Variants in SLC24A3 observed in about 807,000 individuals in gnomAD.
SLC24A3 encodes sodium/potassium/calcium exchanger 3.
A neutral mutation model predicts 75.8 loss-of-function variants in SLC24A3; 28 were observed. The observed-to-expected ratio is 0.37, with a 90% CI of 0.27 to 0.51. The LOEUF is 0.51. SLC24A3 is among the 20% of genes least tolerant of loss of function. SLC24A3 has a pLI of 0.94. For missense variants in SLC24A3, 663 were observed against 847.8 expected (o/e 0.78, Z 2.71); for synonymous variants, 372 against 334.1 (o/e 1.11, Z -1.24).
At chr20:19,296,307 A>T (rs1425497203) in intron 2 of SLC24A3, among the ~76,000 whole-genome samples, 1 of 85,402 alleles carries the variant, frequency 1.2e-5, no homozygotes, top group African/African-American at 4.9e-5. Context: ...TAGCTCCTGG[A>T]TTCATGGATT....
chr20:19,335,164 G>A (rs529552983), intron 2 of SLC24A3, among the ~76,000 whole-genome samples: 1 of 152,234 alleles, frequency 6.6e-6, no homozygotes, highest in South Asian at 2.1e-4. Flanking sequence ...TACCATCATG[G>A]ATAGTGAAAG....
Position 19,245,718 on chromosome 20 carries a change from C to T in SLC24A3, c.142+32734C>T, listed in dbSNP as rs368619399. Among the ~76,000 whole-genome samples, 6 of 151,944 alleles carry T rather than the reference C, an allele frequency of 3.9e-5. No homozygotes were observed. The South Asian group carries it at 6.2e-4, about 16-fold the overall frequency. The stretch of plus-strand genomic sequence containing the variant: ...AAGAGCAAAACATTATTATTTGAGA[C>T]GATTTTAATGCTAATGGTAATTTTA... On this transcript the variant is annotated intron_variant, in intron 1 of 16. Coordinates refer to ENST00000328041, the MANE Select transcript of SLC24A3 (RefSeq NM_020689.4).
chr20:19,226,113 A>G (rs572537726), intron 1 of SLC24A3, among the ~76,000 whole-genome samples: 3 of 152,198 alleles, frequency 2.0e-5, no homozygotes, highest in African/African-American at 7.2e-5. Context: ...TAGTTTTCTG[A>G]GAGTTTTTAT....
Position 19,679,539 on chromosome 20 carries a change from G to GAGGGAGACCGT in SLC24A3, c.768-2319_768-2318insAGGGAGACCGT, listed in dbSNP as rs1183346338. Among the ~76,000 whole-genome samples the GAGGGAGACCGT allele has an allele frequency of 4.8e-3, 692 of 145,012 alleles. 1 individual carries two copies. The highest frequency in any genetic ancestry group is 6.9e-3 in the Middle Eastern group (2 of 288). On this transcript the variant is annotated intron_variant, in intron 9 of 16. Coordinates refer to ENST00000328041, the MANE Select transcript of SLC24A3 (RefSeq NM_020689.4). ...CGTGGGGAGAGGGAGACCGTGGGGA[G>GAGGGAGACCGT]GGGGAGAGGGAGAGGGAGAGGGAGA...
At chr20:19,374,018 A>G (rs1986036390) in intron 2 of SLC24A3, among the ~76,000 whole-genome samples, 1 of 152,118 alleles carries the variant, frequency 6.6e-6, no homozygotes, top group South Asian at 2.1e-4. Context: ...ACTAATGTCC[A>G]TTTTTCACAG....
At chr20:19,240,219 C>T (rs1982290621) in intron 1 of SLC24A3, among the ~76,000 whole-genome samples, 1 of 152,284 alleles carries the variant, frequency 6.6e-6, no homozygotes, top group South Asian at 2.1e-4. Context: ...ACTGCTGTGA[C>T]TACTAGAGTT....
At chr20:19,619,791 G>A (rs1446395742) in intron 6 of SLC24A3, among the ~76,000 whole-genome samples, 1 of 152,174 alleles carries the variant, frequency 6.6e-6, no homozygotes, top group Non-Finnish European at 1.5e-5. Context: ...TCTGTTTGTT[G>A]GTGAATGACA....
chr20:19,710,702 T>C (rs966592063), intron 15 of SLC24A3, among the ~76,000 whole-genome samples: 1 of 152,158 alleles, frequency 6.6e-6, no homozygotes, highest in South Asian at 2.1e-4. Context: ...AAGGGTTTGG[T>C]GATATCATTT....
chr20:19,245,957 G>A (rs1872093152), intron 1 of SLC24A3, among the ~76,000 whole-genome samples: 1 of 152,032 alleles, frequency 6.6e-6, no homozygotes, highest in African/African-American at 2.4e-5. Context: ...AAGTCTTTAA[G>A]GTATAGAAGA....
chr20:19,351,039 T>A (rs1985553834), intron 2 of SLC24A3, among the ~76,000 whole-genome samples: 1 of 152,208 alleles, frequency 6.6e-6, no homozygotes, highest in Non-Finnish European at 1.5e-5. Context: ...TGACATTACC[T>A]GTCCTTAGAT....
intron 2 of SLC24A3, among the ~76,000 whole-genome samples, chr20:19,488,109 A>G (rs1988154363): frequency 6.6e-6 from 1 of 152,264 alleles, no homozygotes; most frequent in East Asian, 1.9e-4. Flanking sequence ...CGTACCAAAC[A>G]AGAAGAGAAT....
intron 16 of SLC24A3, among the ~76,000 whole-genome samples, chr20:19,720,423 C>T (rs944248490): frequency 6.6e-6 from 1 of 152,140 alleles, no homozygotes; most frequent in Non-Finnish European, 1.5e-5. Context: ...GGGGTTACAT[C>T]GTTGGCTGCA....
At chr20:19,434,874 A>G (rs1028350141) in intron 2 of SLC24A3, among the ~76,000 whole-genome samples, 2 of 152,176 alleles carry the variant, frequency 1.3e-5, no homozygotes, top group Non-Finnish European at 2.9e-5. Context: ...TCTTGCTGGC[A>G]TCATACAGGG....
chr20:19,574,848 C>A (rs147233784), intron 3 of SLC24A3, among the ~76,000 whole-genome samples: 1 of 152,156 alleles, frequency 6.6e-6, no homozygotes, highest in Non-Finnish European at 1.5e-5. Flanking sequence ...AGTCTAGGAC[C>A]TGATGGGAGA....
intron 2 of SLC24A3, among the ~76,000 whole-genome samples, chr20:19,494,546 C>T (rs943102386): frequency 6.6e-6 from 1 of 152,138 alleles, no homozygotes; most frequent in Admixed American, 6.5e-5. Context: ...AAATACTACC[C>T]CATTTTAATG....
intron 1 of SLC24A3, among the ~76,000 whole-genome samples, chr20:19,249,565 T>G (rs1362300719): frequency 6.6e-6 from 1 of 152,236 alleles, no homozygotes; most frequent in East Asian, 1.9e-4. Context: ...ATATTTCATT[T>G]CTTTGCTTCA....
chr20:19,685,352 G>T lies in SLC24A3; in HGVS notation c.1315G>T (p.Asp439Tyr), dbSNP rs777223062. The change falls in exon 12 of 17, where the codon GAC becomes TAC. Residue 439 changes from aspartate to tyrosine, a missense_variant. Transcript: ENST00000328041. Reference sequence around the variant, plus strand: ...TGATGAAGGACCGTACACACCATTCGACACCCCCTGTAAGAGGTTCTATGT... The same window carrying T: ...TGATGAAGGACCGTACACACCATTCTACACCCCCTGTAAGAGGTTCTATGT... ...DDDEGPYTPF[D>Y]TPSGKLETVK... 1.9e-6 allele frequency: 3 copies of T among 1,613,604 alleles called. No homozygotes were observed. The highest frequency in any genetic ancestry group is 2.5e-6 in the Non-Finnish European group (3 of 1,179,764).
intron 6 of SLC24A3, among the ~76,000 whole-genome samples, chr20:19,628,202 C>CAAAAAAA (rs776701707): frequency 6.8e-4 from 35 of 51,562 alleles, no homozygotes; most frequent in East Asian, 2.7e-3. Flanking sequence ...GACTCCATCT[C>CAAAAAAA]AAAAAAAAAA....
rs1568640205 is a variant in SLC24A3 at position 19,513,735 on chromosome 20, T to TAA, written c.272-1753_272-1752insAA. Among the ~76,000 whole-genome samples the TAA allele has an allele frequency of 1.1e-3, 111 of 96,862 alleles. 1 individual carries two copies. Among genetic ancestry groups the TAA allele is most frequent in the African/African-American group, 4.7e-3 (105 of 22,186 alleles). 63.5% of individuals were successfully genotyped at this position (96,862 alleles called of 152,430 possible). Reference sequence around the variant, plus strand: ...CACACAGGTGGGTCTTGCTTTTTTTTTAGAAAAAAAAAAAAAGCCTTTTTG... The same window carrying TAA: ...CACACAGGTGGGTCTTGCTTTTTTTTAATAGAAAAAAAAAAAAAGCCTTTTTG... On this transcript the variant is annotated intron_variant, in intron 2 of 16. Transcript: ENST00000328041.
Sources: allele counts gnomAD v4.1 joint callset (sites outside exome capture counted in the v4.1 genomes callset), GRCh38; gene constraint gnomAD v4.1.1; transcripts MANE v1.5; gene names NCBI Gene and HGNC (gene_info 2026-07-23, HGNC 2026-07-21).